ITGA8: variants seen among roughly 807,000 people sequenced by gnomAD.
ITGA8 encodes the protein integrin alpha-8.
ITGA8 carries 91 observed loss-of-function variants against 142.3 expected under a neutral mutation model. The observed-to-expected ratio is 0.64, with a 90% CI of 0.54 to 0.76. The LOEUF is 0.76. Ranked by LOEUF, ITGA8 falls within the 30% of genes least tolerant of loss-of-function variation. The pLI is 0.00. For missense variants in ITGA8, 1,406 were observed against 1,327.7 expected (o/e 1.06, Z -0.92); for synonymous variants, 505 against 485.2 (o/e 1.04, Z -0.54).
At chr10:15,634,582 C>G (rs1833738953) in intron 13 of ITGA8, among the ~76,000 whole-genome samples, 1 of 152,170 alleles carries the variant, frequency 6.6e-6, no homozygotes, top group South Asian at 2.1e-4. Context: ...TCCTCAACAT[C>G]TAGCATAGTG....
intron 2 of ITGA8, among the ~76,000 whole-genome samples, chr10:15,691,078 T>C (rs896914675): frequency 2.0e-5 from 3 of 152,068 alleles, no homozygotes; most frequent in Non-Finnish European, 4.4e-5. Context: ...GGCCAACAGG[T>C]ATATGTGAAA....
intron 20 of ITGA8, among the ~76,000 whole-genome samples, chr10:15,598,903 G>A (rs1588666615): frequency 6.6e-6 from 1 of 152,098 alleles, no homozygotes; most frequent in Non-Finnish European, 1.5e-5. Context: ...TCTTCTCAAA[G>A]TTAGGTTTAG....
chr10:15,592,096 G>T, intron 22 of ITGA8, 129 bp downstream of exon 22: 1 of 565,474 alleles, frequency 1.8e-6, no homozygotes, highest in Non-Finnish European at 3.2e-6. Context: ...GAAGAAATGG[G>T]CTGTGAAAGT....
Position 15,558,105 on chromosome 10 carries a change from T to G in ITGA8, c.2735A>C (p.Glu912Ala). The G allele has an allele frequency of 1.2e-6, 2 of 1,614,168 alleles. No homozygotes were observed. The highest frequency in any genetic ancestry group is 1.7e-6 in the Non-Finnish European group (2 of 1,180,036). The change falls in exon 26 of 30, where the codon GAA (glutamate) becomes GCA (alanine). Residue 912 changes from glutamate (E) to alanine (A), a missense_variant. Physicochemically the swap from Glu to Ala is moderately radical, Grantham distance 107. Coordinates refer to ENST00000378076, the MANE Select transcript of ITGA8 (RefSeq NM_003638.3). ...TTTTGCAGGGCTCTGTCTGTGGAAT[T>G]CGACCACATGTACATCCCTCTTCCT... ...LVRKRDVHVV[E>A]FHRQSPAKIL...
At chr10:15,558,776 A>G (rs1176599505) in intron 25 of ITGA8, among the ~76,000 whole-genome samples, 7 of 152,230 alleles carry the variant, frequency 4.6e-5, no homozygotes, top group Admixed American at 3.3e-4. Flanking sequence ...ACTGTGCTGC[A>G]GTGGAGTCTG....
chr10:15,649,611 G>A (rs1418355696), intron 11 of ITGA8, among the ~76,000 whole-genome samples: 21 of 124,596 alleles, frequency 1.7e-4, no homozygotes, highest in African/African-American at 6.3e-4. Flanking sequence ...GTGAGACTCC[G>A]TCTCAAAAAA....
At chr10:15,549,199 C>CTTTTTTTTTTTTTTTTTTTTTTTTTTT (rs1564346419) in intron 26 of ITGA8, among the ~76,000 whole-genome samples, 1 of 48,848 alleles carries the variant, frequency 2.0e-5, no homozygotes, top group African/African-American at 8.7e-5. Context: ...CTTTTCTTTT[C>CTTTTTTTTTTTTTTTTTTTTTTTTTTT]TGTTTTTTTT....
chr10:15,531,297 T>C (rs572908184), intron 27 of ITGA8, 146 bp from the exon 28 acceptor site: 2 of 468,674 alleles, frequency 4.3e-6, no homozygotes, highest in African/African-American at 4.1e-5. Context: ...AACTTTTTTT[T>C]CCTCCCACCC....
intron 4 of ITGA8, 128 bp from the exon 5 acceptor site, chr10:15,678,911 A>C: frequency 1.9e-6 from 1 of 528,132 alleles, no homozygotes; most frequent in South Asian, 3.5e-5. Flanking sequence ...TATGTGTTTT[A>C]TGTTTATTTT....
At chr10:15,695,125 A>G (rs1835026888) in intron 2 of ITGA8, among the ~76,000 whole-genome samples, 1 of 152,156 alleles carries the variant, frequency 6.6e-6, no homozygotes, top group Admixed American at 6.5e-5. Flanking sequence ...TGAACTGTGT[A>G]ATAACTTGAT....
chr10:15,535,620 A>G lies in ITGA8; in HGVS notation c.2881-4469T>C, dbSNP rs930171292. 2.3e-4 allele frequency among the ~76,000 whole-genome samples: 35 copies of G among 152,112 alleles called. 2 individuals carry two copies. Among genetic ancestry groups the G allele is most frequent in the Non-Finnish European group, 4.4e-5 (3 of 68,022 alleles). On this transcript the variant is annotated intron_variant, in intron 27 of 29. Transcript: ENST00000378076. ...ACTCTGTATCTAGCTAATCTAGTGG[A>G]GACGTGGAGAACCTTTGTGACTAGC...
chr10:15,598,659 A>G (rs1253635970), intron 20 of ITGA8, among the ~76,000 whole-genome samples: 1 of 152,232 alleles, frequency 6.6e-6, no homozygotes, highest in Admixed American at 6.5e-5. Flanking sequence ...ACTTTCTTGT[A>G]AAAGAGAAGG....
chr10:15,665,290 G>GT (rs530458520), intron 8 of ITGA8, among the ~76,000 whole-genome samples: 108 of 152,214 alleles, frequency 7.1e-4, no homozygotes, highest in African/African-American at 2.5e-3. Flanking sequence ...TTTTTCATGT[G>GT]TTTTTTGGCT....
At chr10:15,526,321 C>T (rs913568088) in intron 28 of ITGA8, among the ~76,000 whole-genome samples, 3 of 152,066 alleles carry the variant, frequency 2.0e-5, no homozygotes, top group African/African-American at 7.2e-5. Flanking sequence ...GGATTACAGG[C>T]ATGCGCCACC....
At position 15,580,243 on chromosome 10, in the gene ITGA8, T is replaced by C. The variant is rs75493002; in HGVS notation, c.2373-4649A>G. On this transcript the variant is annotated intron_variant, in intron 23 of 29. Transcript: ENST00000378076. Reference sequence around the variant, plus strand: ...TATTAAAAGGACAATGAGAGAATATTGTGAACAACTTTATGCCAATACATG... The same window carrying C: ...TATTAAAAGGACAATGAGAGAATATCGTGAACAACTTTATGCCAATACATG... Among the ~76,000 whole-genome samples, 1,123 of 151,822 alleles carry C rather than the reference T, an allele frequency of 7.4e-3. 23 individuals carry two copies. The highest frequency in any genetic ancestry group is 0.026 in the African/African-American group (1,075 of 41,462).
chr10:15,545,146 A>C (rs1284722400), intron 27 of ITGA8, among the ~76,000 whole-genome samples: 1 of 152,204 alleles, frequency 6.6e-6, no homozygotes, highest in Non-Finnish European at 1.5e-5. Flanking sequence ...CCAATAGATA[A>C]CTAATACAGG....
intron 6 of ITGA8, among the ~76,000 whole-genome samples, chr10:15,674,839 C>A (rs1834596125): frequency 6.6e-6 from 1 of 151,684 alleles, no homozygotes; most frequent in Admixed American, 6.6e-5. Context: ...ACTCAGGAGG[C>A]AGAGGCAGGA....
chr10:15,660,750 T>G, intron 9 of ITGA8, 129 bp downstream of exon 9: 1 of 724,130 alleles, frequency 1.4e-6, no homozygotes, highest in Non-Finnish European at 2.3e-6. Flanking sequence ...TTCGGTGGAT[T>G]AGGTGTATTA....
chr10:15,550,292 A>G (rs1833771483), intron 26 of ITGA8, among the ~76,000 whole-genome samples: 1 of 152,140 alleles, frequency 6.6e-6, no homozygotes, highest in Non-Finnish European at 1.5e-5. Flanking sequence ...AGTCTCGGGT[A>G]TGTCTTTATC....
Sources: allele counts gnomAD v4.1 joint callset (sites outside exome capture counted in the v4.1 genomes callset), GRCh38; gene constraint gnomAD v4.1.1; transcripts MANE v1.5; gene names NCBI Gene and HGNC (gene_info 2026-07-23, HGNC 2026-07-21).